MAPK10: variants seen among roughly 807,000 people sequenced by gnomAD.
MAPK10 encodes JNK3 alpha protein kinase.
Under a neutral mutation model 59.3 loss-of-function variants are expected in MAPK10, and 25 were observed. The observed-to-expected ratio is 0.42, with a 90% CI of 0.31 to 0.59. MAPK10 has a LOEUF of 0.59. MAPK10 is among the 20% of genes least tolerant of loss of function. MAPK10 has a pLI of 0.15. For synonymous variants in MAPK10, 190 were observed against 200.5 expected (o/e 0.95, Z 0.44); for missense variants, 351 against 568.9 (o/e 0.62, Z 3.90).
At chr4:86,105,191 A>G (rs933078104) in intron 5 of MAPK10, among the ~76,000 whole-genome samples, 2 of 152,174 alleles carry the variant, frequency 1.3e-5, no homozygotes, top group African/African-American at 4.8e-5. Context: ...CTATTATTAA[A>G]GATTTAATGG....
At chr4:86,255,085 T>TAAAAGAAA (rs899164005) in intron 2 of MAPK10, among the ~76,000 whole-genome samples, 1 of 144,876 alleles carries the variant, frequency 6.9e-6, no homozygotes, top group Non-Finnish European at 1.5e-5. Flanking sequence ...TCTGATTTAA[T>TAAAAGAAA]AAAAGAAAAA....
At chr4:86,311,735 TC>T (rs2095673610) in intron 2 of MAPK10, among the ~76,000 whole-genome samples, 1 of 151,968 alleles carries the variant, frequency 6.6e-6, no homozygotes, top group Non-Finnish European at 1.5e-5. Flanking sequence ...ATCACACTGG[TC>T]CCAGGATCCA....
intron 1 of MAPK10, among the ~76,000 whole-genome samples, chr4:86,521,757 T>C (rs1273318770): frequency 2.0e-5 from 3 of 152,136 alleles, no homozygotes; most frequent in Non-Finnish European, 4.4e-5. Flanking sequence ...TCTCAGGCTT[T>C]GCTGCTTCCT....
intron 2 of MAPK10, among the ~76,000 whole-genome samples, chr4:86,335,695 CA>C (rs1209276774): frequency 2.6e-5 from 4 of 152,118 alleles, no homozygotes; most frequent in African/African-American, 4.8e-5. Context: ...CTTACAGTTC[CA>C]CATGGCTGGG....
chr4:86,075,549 T>C (rs2149016433), intron 9 of MAPK10, among the ~76,000 whole-genome samples: 1 of 152,354 alleles, frequency 6.6e-6, no homozygotes, highest in Middle Eastern at 3.4e-3. Context: ...TCTTTGATGA[T>C]AGTGATGTAC....
chr4:86,221,852 T>C (rs1184750788), intron 2 of MAPK10, among the ~76,000 whole-genome samples: 1 of 152,140 alleles, frequency 6.6e-6, no homozygotes. Flanking sequence ...TGGGAGGTGA[T>C]TGGAACATGG....
rs144644522 is a variant in MAPK10, at chr4:86,579,173, A to G, written c.-263+14737T>C. ...ACAAAGTTTATGTTACTACTACAGC[A>G]GTACATTGGATCAGCAGATTATCCC... On this transcript the variant is annotated intron_variant, in intron 1 of 4. Transcript: ENST00000502302. Among the ~76,000 whole-genome samples, 1,397 of 152,338 alleles carry G rather than the reference A, an allele frequency of 9.2e-3. 11 individuals are homozygous for G. The highest frequency in any genetic ancestry group is 0.017 in the Middle Eastern group (5 of 294).
chr4:86,528,774 A>G (rs904365883), intron 1 of MAPK10, among the ~76,000 whole-genome samples: 2 of 152,208 alleles, frequency 1.3e-5, no homozygotes, highest in African/African-American at 4.8e-5. Context: ...GTAACCCCCC[A>G]AATATATCTT....
intron 2 of MAPK10, among the ~76,000 whole-genome samples, chr4:86,312,771 C>T (rs772854535): frequency 6.6e-6 from 1 of 151,972 alleles, no homozygotes; most frequent in African/African-American, 2.4e-5. Flanking sequence ...GACAGTCCGA[C>T]CAGACAGGAA....
rs111649853 is a variant in MAPK10 at position 86,221,105 on chromosome 4, G to A, written c.-6-26698C>T. Among the ~76,000 whole-genome samples, 36 of 152,248 alleles carry A rather than the reference G, an allele frequency of 2.4e-4. No homozygotes were observed. The Middle Eastern group carries it at 0.01, about 43-fold the overall frequency. ...CGGCTGGGAAGTGCCCATCAGTCAG[G>A]GACAGACAGACAGCCAAGGAGAGGT... is the stretch of plus-strand genomic sequence containing the variant. On this transcript the variant is annotated intron_variant, in intron 2 of 13. Transcript: ENST00000641462.
At chr4:86,247,665 G>A (rs1313197756) in intron 2 of MAPK10, among the ~76,000 whole-genome samples, 1 of 147,722 alleles carries the variant, frequency 6.8e-6, no homozygotes, top group African/African-American at 2.6e-5. Flanking sequence ...GTGTGTGTGT[G>A]TTGTGTAGGT....
intron 9 of MAPK10, among the ~76,000 whole-genome samples, chr4:86,083,125 A>G (rs2051006691): frequency 6.6e-6 from 1 of 152,144 alleles, no homozygotes; most frequent in South Asian, 2.1e-4. Flanking sequence ...ATATATTAAG[A>G]AGACGTGTCT....
chr4:86,100,912 TA>T (rs926616686), intron 8 of MAPK10, 139 bp downstream of exon 8: 65 of 656,468 alleles, frequency 9.9e-5, no homozygotes, highest in African/African-American at 4.8e-4. Flanking sequence ...CCAGTAGTAT[TA>T]AAAAAAACCC....
chr4:86,297,296 TTTTGTTTG>T (rs914771495), intron 2 of MAPK10, among the ~76,000 whole-genome samples: 1 of 152,048 alleles, frequency 6.6e-6, no homozygotes, highest in African/African-American at 2.4e-5. Context: ...TATATAGAGT[TTTTGTTTG>T]TTTGTTTGTT....
intron 1 of MAPK10, among the ~76,000 whole-genome samples, chr4:86,402,346 C>G (rs1743833241): frequency 6.6e-6 from 1 of 152,152 alleles, no homozygotes; most frequent in Non-Finnish European, 1.5e-5. Context: ...TCATTTATCA[C>G]CACGGGCTCT....
At position 86,203,900 on chromosome 4, in the gene MAPK10, C is replaced by T. The variant is rs1412704396; in HGVS notation, c.-6-9493G>A. Among the ~76,000 whole-genome samples, 3 of 151,680 alleles carry T rather than the reference C, an allele frequency of 2.0e-5. No homozygotes were observed. The East Asian group carries it at 5.8e-4, about 29-fold the overall frequency. ...TTTTCTAATAAGAACTGTGCATATG[C>T]TCACTTTAACATACTGTCAAATTCT... On this transcript the variant is annotated intron_variant, in intron 2 of 13. Coordinates refer to ENST00000641462, the MANE Select transcript of MAPK10 (RefSeq NM_138982.4).
chr4:86,318,579 C>T (rs535376825), intron 2 of MAPK10, among the ~76,000 whole-genome samples: 1 of 152,032 alleles, frequency 6.6e-6, no homozygotes, highest in Non-Finnish European at 1.5e-5. Context: ...CAAAGTCACA[C>T]AGTGGAAAAA....
At chr4:86,497,254 G>C (rs1382137541) in intron 1 of MAPK10, among the ~76,000 whole-genome samples, 4 of 152,140 alleles carry the variant, frequency 2.6e-5, no homozygotes. Flanking sequence ...GAACAATCCT[G>C]TTTCTCATTG....
chr4:86,055,962 A>G (rs1225759235), intron 11 of MAPK10, among the ~76,000 whole-genome samples: 2 of 150,178 alleles, frequency 1.3e-5, no homozygotes, highest in African/African-American at 5.0e-5. Context: ...TAAGTACATT[A>G]CTGTACCCTG....
Sources: gnomAD v4.1 joint callset for allele counts (sites outside exome capture counted in the v4.1 genomes callset) on GRCh38, gnomAD v4.1.1 for gene constraint, MANE v1.5 for transcripts, NCBI Gene and HGNC (gene_info 2026-07-23, HGNC 2026-07-21) for gene names.